Variants in ZSWIM5 observed in about 807,000 individuals in gnomAD.
ZSWIM5 encodes the protein zinc finger SWIM-type containing 5, also known as zinc finger SWIM domain-containing protein 5.
A neutral mutation model predicts 119.6 loss-of-function variants in ZSWIM5; 55 were observed. The ratio of observed to expected loss-of-function variants is 0.46; its 90% confidence interval spans 0.37 to 0.58. The LOEUF (loss-of-function observed/expected upper bound fraction) is 0.58, where lower values mean the gene tolerates loss of function less well. ZSWIM5 is among the 20% of genes least tolerant of loss of function. ZSWIM5 has a pLI of 0.00. For synonymous variants in ZSWIM5, 537 were observed against 606.9 expected, an observed-to-expected ratio of 0.88 and a Z score of 1.69; for missense variants, 1,193 against 1,512.8, an observed-to-expected ratio of 0.79 and a Z score of 3.51.
intron 2 of ZSWIM5, among the ~76,000 whole-genome samples, chr1:45,065,128 T>C (rs1484443438): frequency 6.6e-6 from 1 of 152,214 alleles, no homozygotes; most frequent in Non-Finnish European, 1.5e-5. Context: ...AAAATGCAGG[T>C]TATGGAGTCT....
chr1:45,019,509 T>G lies in ZSWIM5; in HGVS notation c.2696-193A>C, dbSNP rs1644874946. On this transcript the variant is annotated intron_variant, in intron 13 of 13. Transcript: ENST00000359600. This position sits in a 1 kb window ranked among gnomAD's most constrained non-coding sequence, Gnocchi z 5.0. ...AGACCCTGTTTGGGGTCTCTTCCTA[T>G]CCCTTCTTTCCCCAGGTCAGAGAGT... Among the ~76,000 whole-genome samples, 2 of 152,168 alleles carry G rather than the reference T, an allele frequency of 1.3e-5. No individual in the cohort carries two copies. Among genetic ancestry groups the G allele is most frequent in the Admixed American group, 6.5e-5 (1 of 15,278 alleles).
At chr1:45,154,845 G>A (rs1489992249) in intron 1 of ZSWIM5, among the ~76,000 whole-genome samples, 4 of 151,940 alleles carry the variant, frequency 2.6e-5, no homozygotes, top group South Asian at 2.1e-4. Flanking sequence ...TTGTGCCATT[G>A]CACTCCAGCC....
intron 6 of ZSWIM5, among the ~76,000 whole-genome samples, chr1:45,040,776 A>T (rs1304964721): frequency 1.3e-5 from 2 of 152,218 alleles, no homozygotes; most frequent in Non-Finnish European, 2.9e-5. Context: ...AGGGACACAC[A>T]AGTAGGATAA....
At chr1:45,024,641 AATTATT>A (rs3074635) in intron 11 of ZSWIM5, among the ~76,000 whole-genome samples, 1 of 150,662 alleles carries the variant, frequency 6.6e-6, no homozygotes, top group Non-Finnish European at 1.5e-5. Context: ...TATCCTCTAG[AATTATT>A]ATTATTATTT....
intron 1 of ZSWIM5, among the ~76,000 whole-genome samples, chr1:45,178,407 G>C (rs1339775955): frequency 2.0e-5 from 3 of 152,134 alleles, no homozygotes; most frequent in Non-Finnish European, 4.4e-5. Flanking sequence ...CTGGGTGATA[G>C]AGTGAGACTC....
In ZSWIM5 at chr1:45,018,664, G is replaced by A. The variant is rs745466600; in HGVS notation, c.3348C>T (p.Ile1116=). 3.1e-6 allele frequency: 5 copies of A among 1,614,254 alleles called. No homozygotes were observed. Among genetic ancestry groups the A allele is most frequent in the Non-Finnish European group, 4.2e-6 (5 of 1,180,048 alleles). The change falls in exon 14 of 14, where the codon ATC becomes ATT. Residue 1116 remains isoleucine, a synonymous_variant. Transcript: ENST00000359600. The surrounding 1 kb of genome is among the most constrained non-coding windows in gnomAD (Gnocchi z 6.7). ...APLRQLLDAT[I]NAYINTTHSR... Reference sequence around the variant, plus strand: ...AGTGTGTAGTGTTGATATAGGCATTGATGGTGGCATCCAGCAACTGGCGCA... The same window carrying A: ...AGTGTGTAGTGTTGATATAGGCATTAATGGTGGCATCCAGCAACTGGCGCA...
chr1:45,160,657 C>CTT lies in ZSWIM5; in HGVS notation c.595+45097_595+45098dup, dbSNP rs35617888. ...TATTTCATTGTGTATATATGTACCA[C>CTT]TTTTTTTTTTTTTTGAGAAGTAGTT... is the stretch of plus-strand genomic sequence containing the variant. On this transcript the variant is annotated intron_variant, in intron 1 of 13. Coordinates refer to ENST00000359600, the MANE Select transcript of ZSWIM5 (RefSeq NM_020883.2). Among the ~76,000 whole-genome samples, 155 of 142,726 alleles carry CTT rather than the reference C, an allele frequency of 1.1e-3. 1 individual carries two copies. Among genetic ancestry groups the CTT allele is most frequent in the Admixed American group, 7.0e-3 (99 of 14,210 alleles). The allele number at this position is 142,726 out of a possible 152,430, so 93.6% of individuals were successfully genotyped here.
intron 1 of ZSWIM5, among the ~76,000 whole-genome samples, chr1:45,170,426 CT>C (rs56817624): frequency 0.01 from 1,453 of 139,390 alleles, 15 homozygotes; most frequent in African/African-American, 0.026. Flanking sequence ...TATAAAATCA[CT>C]TTTTTTTTTT....
chr1:45,036,128 T>G lies in ZSWIM5; in HGVS notation c.2066A>C (p.Glu689Ala). The change falls in exon 9 of 14, where the codon GAG becomes GCG. Residue 689 changes from glutamate (E) to alanine (A), a missense_variant. Glu to Ala is a moderately radical substitution (Grantham distance 107). Around this residue, in one of 2 missense-constraint regions of ZSWIM5, gnomAD observed 961 missense variants for 1,290.0 expected, o/e 0.74. Transcript: ENST00000359600. Reference sequence around the variant, plus strand: ...TTGGAGTTGGCTCAGGAGCTGCTCCTCATTACGGCATACCTTGTCCTGTGC... The same window carrying G: ...TTGGAGTTGGCTCAGGAGCTGCTCCGCATTACGGCATACCTTGTCCTGTGC... The part of the protein sequence containing the change: ...LYAQDKVCRN[E>A]EQLLSQLQEL... 1 of 1,614,168 alleles carries G rather than the reference T, an allele frequency of 6.2e-7. No individual in the cohort carries two copies. The highest frequency in any genetic ancestry group is 1.1e-5 in the South Asian group (1 of 91,084).
intron 11 of ZSWIM5, among the ~76,000 whole-genome samples, chr1:45,033,365 A>C (rs866557836): frequency 1.5e-4 from 23 of 152,176 alleles, no homozygotes; most frequent in African/African-American, 4.3e-4. Context: ...TGGGGGGACA[A>C]TAAGAAGATA....
chr1:45,027,293 A>G (rs948209195), intron 11 of ZSWIM5, among the ~76,000 whole-genome samples: 1 of 151,822 alleles, frequency 6.6e-6, no homozygotes, highest in African/African-American at 2.4e-5. Flanking sequence ...ATTTTCCCCA[A>G]TGTGGAAGTT....
intron 1 of ZSWIM5, among the ~76,000 whole-genome samples, chr1:45,107,799 C>T (rs548621083): frequency 1.3e-5 from 2 of 151,490 alleles, no homozygotes; most frequent in South Asian, 4.2e-4. Context: ...CTTTTCTTTT[C>T]TTATTTTTTT....
intron 1 of ZSWIM5, among the ~76,000 whole-genome samples, chr1:45,133,921 A>G (rs1014959462): frequency 2.6e-5 from 4 of 151,998 alleles, no homozygotes; most frequent in Non-Finnish European, 5.9e-5. Context: ...AGATGGTTGT[A>G]GATGTGTGGT....
chr1:45,037,290 T>C (rs960454154), intron 8 of ZSWIM5, among the ~76,000 whole-genome samples: 2 of 151,820 alleles, frequency 1.3e-5, no homozygotes, highest in Admixed American at 1.3e-4. Context: ...TTTATATTTT[T>C]AGTAGAGATG....
intron 1 of ZSWIM5, among the ~76,000 whole-genome samples, chr1:45,153,306 G>A (rs143665557): frequency 7.1e-4 from 108 of 151,860 alleles, no homozygotes; most frequent in African/African-American, 2.4e-3. Flanking sequence ...CAGATTACCC[G>A]AGGTCAGAAG....
At chr1:45,169,306 A>G (rs1645930063) in intron 1 of ZSWIM5, among the ~76,000 whole-genome samples, 1 of 152,086 alleles carries the variant, frequency 6.6e-6, no homozygotes, top group Non-Finnish European at 1.5e-5. Context: ...TAAATGAGAT[A>G]ATGCATGTAA....
intron 1 of ZSWIM5, among the ~76,000 whole-genome samples, chr1:45,111,011 CTAAGA>C (rs1367402839): frequency 1.3e-5 from 2 of 152,040 alleles, no homozygotes; most frequent in African/African-American, 4.8e-5. Context: ...ATACAGGATA[CTAAGA>C]TGAGAAGGAA....
In ZSWIM5 at chr1:45,168,534, G is replaced by C. The variant is rs145382068; in HGVS notation, c.595+37222C>G. Among the ~76,000 whole-genome samples, 565 of 150,140 alleles carry C rather than the reference G, an allele frequency of 3.8e-3. 6 individuals are homozygous for C. The highest frequency in any genetic ancestry group is 0.013 in the African/African-American group (538 of 41,088). On this transcript the variant is annotated intron_variant, in intron 1 of 13. Coordinates refer to ENST00000359600, the MANE Select transcript of ZSWIM5 (RefSeq NM_020883.2). Reference sequence around the variant, plus strand: ...ACAAAAATTAACTGGGTGTGGTGGCGCATGCCTGTAATCCCAGCTACTCGG... The same window carrying C: ...ACAAAAATTAACTGGGTGTGGTGGCCCATGCCTGTAATCCCAGCTACTCGG...
At chr1:45,197,480 GTTCT>G (rs1348751590) in intron 1 of ZSWIM5, among the ~76,000 whole-genome samples, 2 of 152,138 alleles carry the variant, frequency 1.3e-5, no homozygotes, top group East Asian at 1.9e-4. Flanking sequence ...CAGTAAGTTT[GTTCT>G]TTTTTATTGC....
Sources: gnomAD v4.1 joint callset for allele counts (sites outside exome capture counted in the v4.1 genomes callset) on GRCh38, gnomAD v4.1.1 for gene constraint, gnomAD v4.1.1 regional missense constraint, Gnocchi (gnomAD v3.1) non-coding constraint, MANE v1.5 for transcripts, NCBI Gene and HGNC (gene_info 2026-07-23, HGNC 2026-07-21) for gene names.